KLRG1: variants seen among roughly 807,000 people sequenced by gnomAD.
The protein encoded by KLRG1 is killer cell lectin-like receptor subfamily G member 1.
A neutral mutation model predicts 21.8 loss-of-function variants in KLRG1; 16 were observed. That is an observed-to-expected ratio of 0.73 (90% CI 0.50 to 1.11). The LOEUF is 1.11. KLRG1 is among the 50% of genes most tolerant of loss of function. The pLI is 0.00. For missense variants in KLRG1, 173 were observed against 218.3 expected, an observed-to-expected ratio of 0.79 and a Z score of 1.31; for synonymous variants, 69 against 75.9, an observed-to-expected ratio of 0.91 and a Z score of 0.47.
chr12:9,079,271 C>T, the KLRG1 span: 889 of 1,613,642 alleles, frequency 5.5e-4, 4 homozygotes, highest in Middle Eastern at 5.4e-3. Context: ...CCTGCCATAT[C>T]GCTCCCCAAA....
the KLRG1 span, chr12:9,200,361 C>G: frequency 1.3e-5 from 21 of 1,582,846 alleles, no homozygotes; most frequent in Middle Eastern, 5.0e-4. Context: ...CAATGTAACT[C>G]ACTCTCCACA....
chr12:9,189,073 C>G, the KLRG1 span, among the ~76,000 whole-genome samples: 1 of 152,062 alleles, frequency 6.6e-6, no homozygotes, highest in Non-Finnish European at 1.5e-5. Context: ...TCATATTGCC[C>G]AAAGCAATTT....
At chr12:9,195,817 AT>A in the KLRG1 span, among the ~76,000 whole-genome samples, 1 of 151,400 alleles carries the variant, frequency 6.6e-6, no homozygotes, top group African/African-American at 2.4e-5. Context: ...TAAAATTAAT[AT>A]TTTATTGGCT....
the KLRG1 span, among the ~76,000 whole-genome samples, chr12:9,205,084 C>A: frequency 5.3e-5 from 8 of 152,022 alleles, no homozygotes; most frequent in Non-Finnish European, 8.8e-5. Context: ...CAGAGTGAGA[C>A]CCTGTTTCAA....
rs761704939 is a variant in KLRG1 at position 8,970,839 on chromosome 12, G to T, written c.-156+20603G>T. 1.1e-3 allele frequency among the ~76,000 whole-genome samples: 169 copies of T among 152,080 alleles called. 1 individual carries two copies. Among genetic ancestry groups the T allele is most frequent in the African/African-American group, 4.0e-3 (165 of 41,518 alleles). On this transcript the variant is annotated intron_variant, in intron 1 of 4. Transcript: ENST00000539240. ...GAATGGGTGTTGAATTTTTTTTCAT[G>T]CTTCTTTCTGCTTCAGTTCACGTGA...
the KLRG1 span, among the ~76,000 whole-genome samples, chr12:9,063,398 A>G: frequency 6.6e-6 from 1 of 152,346 alleles, no homozygotes; most frequent in Non-Finnish European, 1.5e-5. Context: ...ATAGCAGTGT[A>G]TCATATTTCA....
chr12:9,080,204 T>C, the KLRG1 span: 12 of 1,450,268 alleles, frequency 8.3e-6, no homozygotes, highest in African/African-American at 1.4e-5. Flanking sequence ...ATCAGACATA[T>C]GAAAATTATT....
At chr12:9,163,573 G>T in the KLRG1 span, 3 of 1,372,178 alleles carry the variant, frequency 2.2e-6, no homozygotes, top group Non-Finnish European at 3.0e-6. Context: ...AGGATGTATT[G>T]TGTGAGCATG....
chr12:8,961,497 C>T (rs1946380568), intron 1 of KLRG1, among the ~76,000 whole-genome samples: 1 of 152,146 alleles, frequency 6.6e-6, no homozygotes, highest in Non-Finnish European at 1.5e-5. Context: ...ACTGCAACCT[C>T]CATCTCCCAG....
the KLRG1 span, among the ~76,000 whole-genome samples, chr12:9,126,607 T>G: frequency 3.3e-5 from 5 of 152,292 alleles, no homozygotes; most frequent in African/African-American, 1.2e-4. Flanking sequence ...CTAGCCCCCA[T>G]CCAAAGCTTG....
At chr12:9,181,355 T>C in the KLRG1 span, among the ~76,000 whole-genome samples, 1 of 152,224 alleles carries the variant, frequency 6.6e-6, no homozygotes, top group Non-Finnish European at 1.5e-5. Flanking sequence ...GAGACATAAA[T>C]AGTTAGATCT....
chr12:8,987,323 A>T (rs1396902913), upstream of KLRG1: 1 of 152,142 alleles, frequency 6.6e-6, no homozygotes. Flanking sequence ...GATAGGATTA[A>T]TGTTCTTGTA....
At chr12:9,169,452 G>A in the KLRG1 span, 1 of 1,607,156 alleles carries the variant, frequency 6.2e-7, no homozygotes, top group Admixed American at 1.7e-5. Flanking sequence ...ATAAATATCT[G>A]CTTCATTACT....
intron 1 of KLRG1, among the ~76,000 whole-genome samples, chr12:8,960,428 A>G (rs1946363974): frequency 6.6e-6 from 1 of 152,180 alleles, no homozygotes. Flanking sequence ...CAACTCTTAG[A>G]TCTCACACAG....
chr12:9,128,095 G>T, the KLRG1 span: 1 of 197,932 alleles, frequency 5.1e-6, no homozygotes. Flanking sequence ...GGGCTGACCT[G>T]AAGACGCACA....
At chr12:8,956,959 G>C (rs1221542256) in intron 1 of KLRG1, among the ~76,000 whole-genome samples, 1 of 152,098 alleles carries the variant, frequency 6.6e-6, no homozygotes, top group Non-Finnish European at 1.5e-5. Flanking sequence ...GGCCAGTACC[G>C]CTAGCCAAGA....
At chr12:9,004,852 T>G (rs1369648641) in intron 3 of KLRG1, among the ~76,000 whole-genome samples, 1 of 152,206 alleles carries the variant, frequency 6.6e-6, no homozygotes, top group East Asian at 1.9e-4. Context: ...TTGTTGCTAT[T>G]ATAATGTTTA....
chr12:9,022,773 T>C, the KLRG1 span, among the ~76,000 whole-genome samples: 1 of 151,928 alleles, frequency 6.6e-6, no homozygotes, highest in African/African-American at 2.4e-5. Flanking sequence ...ATGTTGAAGG[T>C]TGAGTTGATC....
the KLRG1 span, among the ~76,000 whole-genome samples, chr12:9,137,560 A>T: frequency 6.6e-6 from 1 of 152,046 alleles, no homozygotes; most frequent in Admixed American, 6.5e-5. Flanking sequence ...ATTTTTTTAA[A>T]CAATACCAAT....
Sources: gnomAD v4.1 joint callset for allele counts (sites outside exome capture counted in the v4.1 genomes callset) on GRCh38, gnomAD v4.1.1 for gene constraint, MANE v1.5 for transcripts, NCBI Gene and HGNC (gene_info 2026-07-23, HGNC 2026-07-21) for gene names.